The following LNX2 variants were observed in gnomAD, a reference collection of about 807,000 sequenced individuals.
LNX2 encodes ligand of numb-protein X 2, also known as ligand of Numb protein X 2.
Under a neutral mutation model 66.2 loss-of-function variants are expected in LNX2, and 35 were observed. The observed-to-expected ratio is 0.53, with a 90% CI of 0.40 to 0.70. The LOEUF (loss-of-function observed/expected upper bound fraction) is 0.70, where lower values mean the gene tolerates loss of function less well. Among genes scored for constraint, LNX2 ranks in the 30% least tolerant of loss-of-function variants. The probability of loss-of-function intolerance (pLI) is 0.00; values close to 1 mark genes in which losing one functional copy is unlikely to be tolerated. For synonymous variants in LNX2, 337 were observed against 315.6 expected (o/e 1.07, Z -0.72); for missense variants, 791 against 850.8 (o/e 0.93, Z 0.87).
chr13:27,552,298 C>T (rs1047165873), intron 8 of LNX2, among the ~76,000 whole-genome samples: 4 of 152,326 alleles, frequency 2.6e-5, no homozygotes, highest in Admixed American at 6.5e-5. Context: ...AGGTCTGCAA[C>T]GTGCTGCCCA....
intron 4 of LNX2, among the ~76,000 whole-genome samples, chr13:27,565,544 G>A (rs1398912065): frequency 2.6e-5 from 4 of 152,146 alleles, no homozygotes; most frequent in African/African-American, 9.7e-5. Context: ...AATAATACAA[G>A]GGGTCCTACA....
In LNX2 at chr13:27,585,566, T is replaced by C. The variant is rs574641767; in HGVS notation, c.-100-3763A>G. On this transcript the variant is annotated intron_variant, in intron 1 of 9. Coordinates refer to ENST00000316334, the MANE Select transcript of LNX2 (RefSeq NM_153371.4). The stretch of plus-strand genomic sequence containing the variant: ...TTTATAATTCATGTTCTTCTCCCTT[T>C]GAGCATCGTAACTTTTAACATGTCA... Among the ~76,000 whole-genome samples, 49 of 152,276 alleles carry C rather than the reference T, an allele frequency of 3.2e-4. 1 individual carries two copies. In the South Asian group the frequency reaches 9.9e-3, roughly 31 times the overall value.
intron 2 of LNX2, among the ~76,000 whole-genome samples, chr13:27,578,973 C>G (rs1955370188): frequency 6.6e-6 from 1 of 152,146 alleles, no homozygotes; most frequent in South Asian, 2.1e-4. Context: ...AAACACAGAT[C>G]AACAATTTAA....
intron 5 of LNX2, among the ~76,000 whole-genome samples, chr13:27,561,803 G>A (rs185087274): frequency 1.3e-5 from 2 of 152,310 alleles, no homozygotes; most frequent in Non-Finnish European, 2.9e-5. Flanking sequence ...GCATGTTGCA[G>A]AATGTATAGA....
At chr13:27,617,188 G>T (rs79014281) in intron 1 of LNX2, among the ~76,000 whole-genome samples, 3,411 of 152,286 alleles carry the variant, frequency 0.022, 139 homozygotes, top group African/African-American at 0.077. Context: ...CAGGTGCCAG[G>T]AAAGCTAAAA....
At chr13:27,599,962 A>G (rs1039598974) in intron 1 of LNX2, among the ~76,000 whole-genome samples, 22 of 152,216 alleles carry the variant, frequency 1.4e-4, no homozygotes, top group Non-Finnish European at 2.6e-4. Flanking sequence ...AAAACCTAAG[A>G]GTAAAGAATA....
intron 1 of LNX2, among the ~76,000 whole-genome samples, chr13:27,601,789 C>T (rs991845474): frequency 5.9e-5 from 9 of 152,070 alleles, no homozygotes; most frequent in Non-Finnish European, 2.9e-5. Context: ...TGGGCTCAAG[C>T]GATCCTCCCA....
At chr13:27,568,608 A>C (rs1955235330) in intron 3 of LNX2, among the ~76,000 whole-genome samples, 3 of 152,224 alleles carry the variant, frequency 2.0e-5, no homozygotes, top group African/African-American at 4.8e-5. Flanking sequence ...AAATGTTACA[A>C]GCATCTAAAT....
chr13:27,606,170 T>C (rs184658518), intron 1 of LNX2, among the ~76,000 whole-genome samples: 1 of 152,210 alleles, frequency 6.6e-6, no homozygotes, highest in Non-Finnish European at 1.5e-5. Flanking sequence ...TAAGCACAAC[T>C]TGTACTACAA....
At chr13:27,584,800 T>C (rs754900183) in intron 1 of LNX2, among the ~76,000 whole-genome samples, 14 of 152,290 alleles carry the variant, frequency 9.2e-5, no homozygotes, top group Non-Finnish European at 1.5e-4. Context: ...CTCAGATAAA[T>C]TGTGTTTTTA....
At position 27,569,183 on chromosome 13, in the gene LNX2, T is replaced by G. The variant is rs142333614; in HGVS notation, c.501A>C (p.Leu167=). The G allele has an allele frequency of 8.5e-4, 1,374 of 1,612,984 alleles. No individual in the cohort carries two copies. The highest frequency in any genetic ancestry group is 1.1e-3 in the Non-Finnish European group (1,257 of 1,179,622). The stretch of plus-strand genomic sequence containing the variant: ...GAGATAAGGTACCTGCAGGATCTAG[T>G]AGAGTGGGCCCATTTTCATTCTCAA... ...AEIENENGPT[L]LDPAGTLSPE... is the part of the protein sequence containing the mutation. The change falls in exon 3 of 10, where the codon CTA becomes CTC. Residue 167 remains leucine, a synonymous_variant. Transcript: ENST00000316334.
chr13:27,566,131 A>G (rs1030309788), intron 4 of LNX2, among the ~76,000 whole-genome samples: 1 of 152,230 alleles, frequency 6.6e-6, no homozygotes, highest in Non-Finnish European at 1.5e-5. Flanking sequence ...TGTTCAAACA[A>G]TTCTCTGTAA....
chr13:27,572,783 T>C lies in LNX2; in HGVS notation c.408-3507A>G, dbSNP rs576848794. Among the ~76,000 whole-genome samples, 4 of 152,262 alleles carry C rather than the reference T, an allele frequency of 2.6e-5. No homozygotes were observed. In the South Asian group the frequency reaches 6.2e-4, roughly 24 times the overall value. Reference sequence around the variant, plus strand: ...TTGTCAGTAATATTAGTATTAATAGTGGGGGTGGTGGTAGTGCAGTAGAAA... The same window carrying C: ...TTGTCAGTAATATTAGTATTAATAGCGGGGGTGGTGGTAGTGCAGTAGAAA... On this transcript the variant is annotated intron_variant, in intron 2 of 9. Coordinates refer to ENST00000316334, the MANE Select transcript of LNX2 (RefSeq NM_153371.4).
rs758111605 is a variant in LNX2, at chr13:27,567,666, G to C, written c.829C>G (p.Leu277Val). The C allele has an allele frequency of 1.2e-6, 2 of 1,614,014 alleles. No homozygotes were observed. Among genetic ancestry groups the C allele is most frequent in the Non-Finnish European group, 1.7e-6 (2 of 1,179,930 alleles). Residue 277 changes from leucine (L) to valine (V), a missense_variant, in exon 4 of 10, where the codon CTT becomes GTT. By Grantham distance (32) the Leu-to-Val change is conservative (BLOSUM62 1). Transcript: ENST00000316334. Reference protein sequence around the residue: ...RDGVIARDGRLLAGDQILQVN... With the variant: ...RDGVIARDGRVLAGDQILQVN... ...TGAAGAATCTGGTCTCCAGCAAGAA[G>C]TCTCCCGTCTCTGGCAATGACCCCA...
intron 2 of LNX2, among the ~76,000 whole-genome samples, chr13:27,572,257 G>A (rs1955290608): frequency 6.6e-6 from 1 of 152,184 alleles, no homozygotes; most frequent in South Asian, 2.1e-4. Context: ...GAACATTTAA[G>A]AACACAAACT....
intron 1 of LNX2, among the ~76,000 whole-genome samples, chr13:27,583,944 G>A (rs927308826): frequency 1.3e-5 from 2 of 152,154 alleles, no homozygotes; most frequent in Non-Finnish European, 2.9e-5. Flanking sequence ...TGGGACTGCT[G>A]AGTTGTGACA....
rs543998219 is a variant in LNX2, at chr13:27,553,280, G to C, written c.1706C>G (p.Pro569Arg). The change falls in exon 8 of 10, where the codon CCG becomes CGG. Residue 569 changes from proline to arginine, a missense_variant. Coordinates refer to ENST00000316334, the MANE Select transcript of LNX2 (RefSeq NM_153371.4). ...ATACTCATTTTCGCTGAAAGTACTC[G>C]GCTGCTCCTCCGCGTTCTGAGTCGC... ...EEATQNAEEQ[P>R]STFSENEYDA... The C allele has an allele frequency of 3.1e-6, 5 of 1,613,968 alleles. No homozygotes were observed.
chr13:27,598,706 T>A (rs992483726), intron 1 of LNX2, among the ~76,000 whole-genome samples: 3 of 152,214 alleles, frequency 2.0e-5, no homozygotes, highest in Admixed American at 1.3e-4. Context: ...GGCAGTCTGA[T>A]TCCAGAGCTA....
chr13:27,566,608 T>C (rs1198282753), intron 4 of LNX2, among the ~76,000 whole-genome samples: 1 of 152,066 alleles, frequency 6.6e-6, no homozygotes, highest in African/African-American at 2.4e-5. Context: ...TTGTTTCAGA[T>C]TTAAGGGAGG....
Sources: allele counts gnomAD v4.1 joint callset (sites outside exome capture counted in the v4.1 genomes callset), GRCh38; gene constraint gnomAD v4.1.1; transcripts MANE v1.5; gene names NCBI Gene and HGNC (gene_info 2026-07-23, HGNC 2026-07-21).